The following NCOA2 variants were observed in gnomAD, a reference collection of about 807,000 sequenced individuals.
NCOA2 encodes class E basic helix-loop-helix protein 75.
NCOA2 carries 21 observed loss-of-function variants against 145.1 expected under a neutral mutation model. The observed-to-expected ratio is 0.14, with a 90% CI of 0.10 to 0.21. The LOEUF (loss-of-function observed/expected upper bound fraction) is 0.21. Ranked by LOEUF, NCOA2 falls within the 10% of genes least tolerant of loss-of-function variation. The probability of loss-of-function intolerance (pLI) is 1.00; values close to 1 mark genes in which losing one functional copy is unlikely to be tolerated. For missense variants in NCOA2, 1,472 were observed against 1,837.6 expected (o/e 0.80, Z 3.64); for synonymous variants, 619 against 637.5 (o/e 0.97, Z 0.44).
intron 10 of NCOA2, among the ~76,000 whole-genome samples, chr8:70,159,242 A>ATATATATATATATTTTTTTTT: frequency 1.6e-5 from 1 of 61,076 alleles, no homozygotes; most frequent in African/African-American, 5.4e-5. Context: ...ATATATATAT[A>ATATATATATATATTTTTTTTT]TTTTTTTTTT....
In NCOA2 at chr8:70,357,048, T is replaced by C. The variant is rs1459881111; in HGVS notation, c.-77+46652A>G. 2.6e-5 allele frequency among the ~76,000 whole-genome samples: 4 copies of C among 152,292 alleles called. No individual in the cohort carries two copies. In the East Asian group the frequency reaches 7.7e-4, roughly 29 times the overall value. On this transcript the variant is annotated intron_variant, in intron 1 of 22. Transcript: ENST00000452400. ...AAATCTTTGTTTCCTCCACTACCTA[T>C]ACATGAAGGTGGCAGTTTAACAAAT...
intron 2 of NCOA2, among the ~76,000 whole-genome samples, chr8:70,292,461 G>A (rs1262574307): frequency 6.6e-6 from 1 of 150,574 alleles, no homozygotes; most frequent in Non-Finnish European, 1.5e-5. Context: ...TGAGGCAGGA[G>A]AATCGCTTAA....
the NCOA2 span, among the ~76,000 whole-genome samples, chr8:70,411,137 T>A: frequency 6.6e-6 from 1 of 152,160 alleles, no homozygotes; most frequent in South Asian, 2.1e-4. Flanking sequence ...TATAATGAAG[T>A]ATATTTACAG....
At chr8:70,122,256 C>T (rs78524384) in intron 21 of NCOA2, among the ~76,000 whole-genome samples, 2,718 of 152,116 alleles carry the variant, frequency 0.018, 106 homozygotes, top group Admixed American at 0.09. Context: ...TAAACACACG[C>T]ATATATTTTA....
Position 70,170,241 on chromosome 8 carries a change from G to T in NCOA2, c.502C>A (p.His168Asn). Reference sequence around the variant, plus strand: ...AGCAGGTTTTTGACAAATTCCGTGTGGTCCCCAACATGCAAGATGCTATAT... The same window carrying T: ...AGCAGGTTTTTGACAAATTCCGTGTTGTCCCCAACATGCAAGATGCTATAT... The part of the protein sequence containing the change: ...SVYSILHVGD[H>N]TEFVKNLLPK... Residue 168 changes from histidine (H) to asparagine (N), a missense_variant, in exon 6 of 23, where the codon CAC becomes AAC. By Grantham distance (68) the His-to-Asn change is moderately conservative. Transcript: ENST00000452400. 6.2e-7 allele frequency: 1 copy of T among 1,613,410 alleles called. No homozygotes were observed. The highest frequency in any genetic ancestry group is 8.5e-7 in the Non-Finnish European group (1 of 1,179,698).
intron 2 of NCOA2, among the ~76,000 whole-genome samples, chr8:70,229,197 A>G (rs16936837): frequency 0.069 from 10,576 of 152,264 alleles, 431 homozygotes; most frequent in African/African-American, 0.12. Flanking sequence ...AACTGTACTG[A>G]TAATTATTGA....
chr8:70,280,697 C>G (rs777028855), intron 2 of NCOA2, among the ~76,000 whole-genome samples: 1 of 151,994 alleles, frequency 6.6e-6, no homozygotes, highest in African/African-American at 2.4e-5. Flanking sequence ...TGGTATAGTA[C>G]AGTAGAAAGA....
chr8:70,203,228 A>G (rs1016663104), intron 4 of NCOA2, among the ~76,000 whole-genome samples: 3 of 142,206 alleles, frequency 2.1e-5, no homozygotes, highest in Non-Finnish European at 4.5e-5. Flanking sequence ...GCACCACTGC[A>G]CTCCAGGCTG....
the NCOA2 span, among the ~76,000 whole-genome samples, chr8:70,445,762 T>TTTGA: frequency 6.6e-5 from 10 of 152,218 alleles, no homozygotes; most frequent in African/African-American, 1.4e-4. Context: ...GACTTTTGTG[T>TTTGA]TTGATTGATT....
chr8:70,240,440 G>A (rs923383956), intron 2 of NCOA2, among the ~76,000 whole-genome samples: 9 of 152,060 alleles, frequency 5.9e-5, no homozygotes, highest in African/African-American at 2.2e-4. Flanking sequence ...ATTCAAACAG[G>A]AGATGCTCTG....
At chr8:70,451,337 G>T in the NCOA2 span, among the ~76,000 whole-genome samples, 8 of 144,814 alleles carry the variant, frequency 5.5e-5, no homozygotes, top group African/African-American at 7.7e-5. Flanking sequence ...TTGCCTGGGT[G>T]GCAGAGGCTG....
intron 11 of NCOA2, among the ~76,000 whole-genome samples, chr8:70,151,317 T>C (rs1365853840): frequency 2.0e-5 from 3 of 151,844 alleles, no homozygotes; most frequent in African/African-American, 7.3e-5. Context: ...AGACAAGGTC[T>C]CACTCTGTCA....
intron 1 of NCOA2, among the ~76,000 whole-genome samples, chr8:70,389,500 G>A (rs940305858): frequency 1.3e-5 from 2 of 151,934 alleles, no homozygotes; most frequent in East Asian, 1.9e-4. Context: ...GGCTGGTCTC[G>A]AACTCCCGAC....
intron 4 of NCOA2, among the ~76,000 whole-genome samples, chr8:70,207,603 C>G (rs1157095685): frequency 6.6e-6 from 1 of 152,018 alleles, no homozygotes; most frequent in East Asian, 1.9e-4. Flanking sequence ...GTGGCTCATG[C>G]CTGTAATCCC....
At chr8:70,437,272 C>T in the NCOA2 span, among the ~76,000 whole-genome samples, 10 of 152,368 alleles carry the variant, frequency 6.6e-5, no homozygotes, top group South Asian at 1.9e-3. Context: ...TCCTCTCACA[C>T]AGGCTCTCAT....
chr8:70,420,523 G>T, the NCOA2 span, among the ~76,000 whole-genome samples: 1 of 152,194 alleles, frequency 6.6e-6, no homozygotes, highest in Non-Finnish European at 1.5e-5. Context: ...ATAAAGCGAG[G>T]TCTCTAATGA....
At chr8:70,136,137 G>A (rs1443943684) in intron 15 of NCOA2, among the ~76,000 whole-genome samples, 6 of 152,152 alleles carry the variant, frequency 3.9e-5, no homozygotes, top group Non-Finnish European at 4.4e-5. Flanking sequence ...ACTTTGGGAG[G>A]CTGAGGCAGG....
chr8:70,273,899 G>A (rs2135350704), intron 2 of NCOA2: 1 of 496,924 alleles, frequency 2.0e-6, no homozygotes, highest in Non-Finnish European at 3.9e-6. Context: ...AAGTTACTGG[G>A]AGCTGCTATT....
intron 1 of NCOA2, among the ~76,000 whole-genome samples, chr8:70,379,367 A>G (rs1811974459): frequency 6.6e-6 from 1 of 152,192 alleles, no homozygotes. Context: ...ATAGCACATG[A>G]CGGGGAGAAT....
Sources: gnomAD v4.1 joint callset for allele counts (sites outside exome capture counted in the v4.1 genomes callset) on GRCh38, gnomAD v4.1.1 for gene constraint, MANE v1.5 for transcripts, NCBI Gene and HGNC (gene_info 2026-07-23, HGNC 2026-07-21) for gene names.